The following RIPK2 variants were observed in gnomAD, a reference collection of about 807,000 sequenced individuals.
RIPK2 encodes the protein receptor-interacting serine/threonine-protein kinase 2.
In RIPK2, 38 loss-of-function variants were observed where a neutral mutation model predicts 60.9. That is an observed-to-expected ratio of 0.62 (90% CI 0.48 to 0.82). The LOEUF (loss-of-function observed/expected upper bound fraction) is 0.82, where lower values mean the gene tolerates loss of function less well. Among genes scored for constraint, RIPK2 ranks in the 40% least tolerant of loss-of-function variants. The probability of loss-of-function intolerance (pLI) is 0.00; values close to 1 mark genes in which losing one functional copy is unlikely to be tolerated. For synonymous variants in RIPK2, 225 were observed against 223.4 expected (o/e 1.01, Z -0.06); for missense variants, 518 against 647.0 (o/e 0.80, Z 2.16).
chr8:89,780,010 T>A (rs544791656), intron 6 of RIPK2, 65 bp from the exon 7 acceptor site: 2 of 779,154 alleles, frequency 2.6e-6, no homozygotes, highest in Admixed American at 2.9e-5. Flanking sequence ...ACATTAAATG[T>A]TAGCATTTCA....
chr8:89,758,878 T>G (rs1004627555), intron 1 of RIPK2, among the ~76,000 whole-genome samples: 22 of 152,252 alleles, frequency 1.4e-4, no homozygotes, highest in African/African-American at 5.3e-4. Context: ...TTTTATGTGT[T>G]TCTTTTTACT....
Position 89,771,722 on chromosome 8 carries a change from A to G in RIPK2, c.642-19A>G. On this transcript the variant is annotated intron_variant, in intron 4 of 10. Transcript: ENST00000220751. ...AGTTCATTTAAAATATGTAACATGT[A>G]TGTTCTTATGTTAAACAGCTATGCA... 1 of 1,550,736 alleles carries G rather than the reference A, an allele frequency of 6.4e-7. No individual in the cohort carries two copies. The highest frequency in any genetic ancestry group is 1.1e-5 in the South Asian group (1 of 87,832).
intron 6 of RIPK2, among the ~76,000 whole-genome samples, chr8:89,774,533 C>G (rs2130564531): frequency 6.6e-6 from 1 of 152,258 alleles, no homozygotes; most frequent in Middle Eastern, 3.4e-3. Context: ...AAGCAATCCA[C>G]TAACAGGTAA....
intron 9 of RIPK2, among the ~76,000 whole-genome samples, chr8:89,787,099 G>C (rs1303831267): frequency 6.6e-6 from 1 of 152,076 alleles, no homozygotes; most frequent in African/African-American, 2.4e-5. Context: ...CTGGGAGGGA[G>C]GTTGCAGTGA....
chr8:89,780,015 AT>A (rs1335538087), intron 6 of RIPK2, 59 bp from the exon 7 acceptor site: 7 of 806,220 alleles, frequency 8.7e-6, no homozygotes, highest in Non-Finnish European at 1.4e-5. Flanking sequence ...AAATGTTAGC[AT>A]TTCACTTTAA....
chr8:89,786,083 T>C (rs892755653), intron 8 of RIPK2, among the ~76,000 whole-genome samples: 3 of 152,250 alleles, frequency 2.0e-5, no homozygotes, highest in Non-Finnish European at 4.4e-5. Flanking sequence ...ATTATTCCCC[T>C]ATTTCGCCCA....
At chr8:89,786,485 T>C (rs60327583) in intron 8 of RIPK2, 108 bp from the exon 9 acceptor site, 43 of 700,788 alleles carry the variant, frequency 6.1e-5, no homozygotes, top group African/African-American at 5.8e-4. Context: ...AAAAAAAAAA[T>C]TAGTAGTTTT....
At chr8:89,781,354 A>ATTTTTTTTCTTTCT (rs1554598658) in intron 7 of RIPK2, among the ~76,000 whole-genome samples, 7 of 143,960 alleles carry the variant, frequency 4.9e-5, no homozygotes, top group African/African-American at 1.8e-4. Context: ...AATAGATTGA[A>ATTTTTTTTCTTTCT]TTTTTTTTTT....
In RIPK2 at chr8:89,769,943, G is replaced by C. The variant is rs1391944428; in HGVS notation, c.641+14G>C. On this transcript the variant is annotated intron_variant, in intron 4 of 10. Transcript: ENST00000220751. ...CGATATATATAGGTAGAGTAAAGTT[G>C]CTTCTGCTCAGATTTAACCTTGTCT... 6.4e-7 allele frequency: 1 copy of C among 1,559,150 alleles called. No homozygotes were observed. Among genetic ancestry groups the C allele is most frequent in the African/African-American group, 1.4e-5 (1 of 70,992 alleles).
At chr8:89,786,499 C>T (rs1294013557) in intron 8 of RIPK2, 94 bp from the exon 9 acceptor site, 3 of 787,162 alleles carry the variant, frequency 3.8e-6, no homozygotes, top group Non-Finnish European at 2.1e-6. Context: ...TAGTTTTTAT[C>T]TTCATTTGTG....
At chr8:89,776,422 A>T (rs1316720251) in intron 6 of RIPK2, among the ~76,000 whole-genome samples, 1 of 152,234 alleles carries the variant, frequency 6.6e-6, no homozygotes, top group Non-Finnish European at 1.5e-5. Flanking sequence ...GGTAATATCT[A>T]TTAGCATTTA....
chr8:89,763,798 C>T (rs1386460160), intron 2 of RIPK2, among the ~76,000 whole-genome samples: 1 of 152,146 alleles, frequency 6.6e-6, no homozygotes, highest in Non-Finnish European at 1.5e-5. Flanking sequence ...CTATTCATGA[C>T]TTGTGACCAT....
At position 89,784,155 on chromosome 8, in the gene RIPK2, A is replaced by G; in HGVS notation, c.1029+16A>G. On this transcript the variant is annotated intron_variant, in intron 8 of 10. Transcript: ENST00000220751. ...TCCACAAGAGGTAAAAAAAAAAAAA[A>G]AAAAAAAAAGGTTATATTAAACTCA... The G allele has an allele frequency of 1.4e-6, 2 of 1,446,620 alleles. No individual in the cohort carries two copies. Among genetic ancestry groups the G allele is most frequent in the Non-Finnish European group, 1.9e-6 (2 of 1,062,358 alleles). The allele number at this position is 1,446,620 out of a possible 1,614,324, so 89.6% of individuals were successfully genotyped here. A position where few individuals can be genotyped will look rare whatever the true frequency, so the allele number is the denominator to read the frequency against.
chr8:89,784,228 T>TA (rs1280458819), intron 8 of RIPK2, 89 bp downstream of exon 8: 4 of 781,246 alleles, frequency 5.1e-6, no homozygotes, highest in Non-Finnish European at 5.7e-6. Flanking sequence ...GCCCTTCTTT[T>TA]ATAGAAGGAA....
intron 1 of RIPK2, among the ~76,000 whole-genome samples, chr8:89,760,571 G>T: frequency 6.6e-6 from 1 of 152,094 alleles, no homozygotes; most frequent in East Asian, 1.9e-4. Flanking sequence ...TATATTCTTT[G>T]ATCAAGCAAT....
At chr8:89,762,004 G>A (rs1376821023) in intron 1 of RIPK2, among the ~76,000 whole-genome samples, 1 of 151,172 alleles carries the variant, frequency 6.6e-6, no homozygotes, top group Non-Finnish European at 1.5e-5. Context: ...AGGCCACCCT[G>A]AATAACATAG....
In RIPK2 at chr8:89,763,168, A is replaced by T. The variant is rs1809173515; in HGVS notation, c.327+186A>T. On this transcript the variant is annotated intron_variant, in intron 2 of 10. Transcript: ENST00000220751. Reference sequence around the variant, plus strand: ...TTTTGTGTTGATTAAAACACTGTGGATTCAGGCCCTGTACTCTAGATTATT... The same window carrying T: ...TTTTGTGTTGATTAAAACACTGTGGTTTCAGGCCCTGTACTCTAGATTATT... Among the ~76,000 whole-genome samples, 4 of 152,190 alleles carry T rather than the reference A, an allele frequency of 2.6e-5. No homozygotes were observed. In the South Asian group the frequency reaches 8.3e-4, roughly 31 times the overall value.
intron 4 of RIPK2, 45 bp downstream of exon 4, chr8:89,769,974 A>T: frequency 7.0e-7 from 1 of 1,429,930 alleles, no homozygotes; most frequent in African/African-American, 1.5e-5. Context: ...TGTCTCAGAC[A>T]CAAAATTAGT....
At chr8:89,766,856 G>A (rs1398334303) in intron 3 of RIPK2, among the ~76,000 whole-genome samples, 1 of 151,076 alleles carries the variant, frequency 6.6e-6, no homozygotes. Flanking sequence ...GGATTCTTTG[G>A]TTTTCTTACT....
Sources: gnomAD v4.1 joint callset for allele counts (sites outside exome capture counted in the v4.1 genomes callset) on GRCh38, gnomAD v4.1.1 for gene constraint, MANE v1.5 for transcripts, NCBI Gene and HGNC (gene_info 2026-07-23, HGNC 2026-07-21) for gene names.